ZZZ3: variants seen among roughly 807,000 people sequenced by gnomAD.
ZZZ3 encodes the protein zinc finger ZZ-type containing 3.
ZZZ3 carries 22 observed loss-of-function variants against 95.2 expected under a neutral mutation model. The observed-to-expected ratio is 0.23, with a 90% confidence interval of 0.17 to 0.33. The LOEUF (loss-of-function observed/expected upper bound fraction) is 0.33, where lower values mean the gene tolerates loss of function less well. Among genes scored for constraint, ZZZ3 ranks in the 10% least tolerant of loss-of-function variants. The probability of loss-of-function intolerance (pLI) is 1.00; values close to 1 mark genes in which losing one functional copy is unlikely to be tolerated. For synonymous variants in ZZZ3, 335 were observed against 358.9 expected (o/e 0.93, Z 0.75); for missense variants, 885 against 1,066.5 (o/e 0.83, Z 2.37).
chr1:77,663,282 TAA>T (rs1409230974), intron 1 of ZZZ3, among the ~76,000 whole-genome samples: 2 of 152,194 alleles, frequency 1.3e-5, no homozygotes, highest in Non-Finnish European at 2.9e-5. Context: ...GTATTAATGT[TAA>T]GTTTCCTAAT....
At chr1:77,653,258 T>C (rs1489388983) in intron 1 of ZZZ3, among the ~76,000 whole-genome samples, 2 of 151,988 alleles carry the variant, frequency 1.3e-5, no homozygotes, top group Admixed American at 6.6e-5. Flanking sequence ...AGGAGATAAG[T>C]GATTGCAGAG....
chr1:77,655,866 G>T (rs528558759), intron 1 of ZZZ3, among the ~76,000 whole-genome samples: 1 of 152,266 alleles, frequency 6.6e-6, no homozygotes, highest in South Asian at 2.1e-4. Context: ...TCATTCTTAG[G>T]TCCAAACCAG....
At position 77,632,003 on chromosome 1, in the gene ZZZ3, C is replaced by T; in HGVS notation, c.1352G>A (p.Gly451Glu). Residue 451 changes from glycine to glutamate, a missense_variant, in exon 5 of 15, where the codon GGA becomes GAA. Physicochemically the swap from Gly to Glu is moderately conservative, Grantham distance 98. Transcript: ENST00000370801. Reference sequence around the variant, plus strand: ...TGCCTCTGAGGGTGGTTTACTTACTCCTTCACTTCCATTATTTTGAGAGTC... The same window carrying T: ...TGCCTCTGAGGGTGGTTTACTTACTTCTTCACTTCCATTATTTTGAGAGTC... ...CCDSQNNGSE[G>E]VSKPPSEARL... 6.2e-7 allele frequency: 1 copy of T among 1,614,042 alleles called. No homozygotes were observed. The highest frequency in any genetic ancestry group is 8.5e-7 in the Non-Finnish European group (1 of 1,179,976).
intron 1 of ZZZ3, among the ~76,000 whole-genome samples, chr1:77,672,847 C>T (rs536614541): frequency 8.1e-4 from 124 of 152,266 alleles, no homozygotes; most frequent in African/African-American, 2.8e-3. Flanking sequence ...GTTCATCTCT[C>T]CCCCATTCTT....
At chr1:77,616,884 T>TAAAATA (rs1003187898) in intron 5 of ZZZ3, among the ~76,000 whole-genome samples, 10 of 151,756 alleles carry the variant, frequency 6.6e-5, no homozygotes, top group African/African-American at 1.9e-4. Flanking sequence ...AATAAATAAA[T>TAAAATA]AAAATAAAAA....
At position 77,665,927 on chromosome 1, in the gene ZZZ3, G is replaced by A. The variant is rs536011868; in HGVS notation, c.-403+16658C>T. Reference sequence around the variant, plus strand: ...GTGGTGGCACACGCCTGTAATCTCCGCTACTCAAGAGGCTGAGGCAGGAGA... The same window carrying A: ...GTGGTGGCACACGCCTGTAATCTCCACTACTCAAGAGGCTGAGGCAGGAGA... On this transcript the variant is annotated intron_variant, in intron 1 of 14. Transcript: ENST00000370801. 1.1e-4 allele frequency among the ~76,000 whole-genome samples: 16 copies of A among 152,284 alleles called. No homozygotes were observed. In the East Asian group the frequency reaches 2.5e-3, roughly 24 times the overall value.
At chr1:77,650,170 A>C (rs1339125590) in intron 1 of ZZZ3, among the ~76,000 whole-genome samples, 1 of 152,180 alleles carries the variant, frequency 6.6e-6, no homozygotes, top group Admixed American at 6.5e-5. Context: ...CAAAATGAGA[A>C]CATGTTTAAA....
chr1:77,662,593 C>T (rs1477021770), intron 1 of ZZZ3, among the ~76,000 whole-genome samples: 1 of 152,168 alleles, frequency 6.6e-6, no homozygotes, highest in Non-Finnish European at 1.5e-5. Context: ...AACTGAGGGA[C>T]ACTAAATACC....
chr1:77,591,394 G>A (rs1190287891), intron 5 of ZZZ3, among the ~76,000 whole-genome samples: 1 of 152,004 alleles, frequency 6.6e-6, no homozygotes, highest in Non-Finnish European at 1.5e-5. Context: ...TGTTGCCCAG[G>A]CTGGAGTACA....
intron 5 of ZZZ3, among the ~76,000 whole-genome samples, chr1:77,603,009 A>AATTG (rs1015078240): frequency 4.6e-5 from 7 of 152,112 alleles, no homozygotes; most frequent in African/African-American, 1.7e-4. Flanking sequence ...CTTAAATAAA[A>AATTG]ATTGCCATAT....
intron 1 of ZZZ3, among the ~76,000 whole-genome samples, chr1:77,661,366 T>C (rs945124040): frequency 5.3e-5 from 8 of 152,024 alleles, no homozygotes; most frequent in African/African-American, 1.9e-4. Flanking sequence ...TGAGCCAAGA[T>C]CACGCCATTA....
intron 8 of ZZZ3, among the ~76,000 whole-genome samples, chr1:77,581,293 A>T (rs1662495066): frequency 6.6e-6 from 1 of 152,164 alleles, no homozygotes; most frequent in African/African-American, 2.4e-5. Context: ...AATACATAAT[A>T]GTACTGTAAC....
intron 1 of ZZZ3, among the ~76,000 whole-genome samples, chr1:77,665,027 A>C (rs577565250): frequency 2.3e-4 from 35 of 152,284 alleles, no homozygotes; most frequent in Admixed American, 9.8e-4. Context: ...TCAGTTCCTT[A>C]ATGTCTTTAA....
chr1:77,640,993 C>T (rs1668729778), intron 3 of ZZZ3: 1 of 152,170 alleles, frequency 6.6e-6, no homozygotes, highest in South Asian at 2.1e-4. Flanking sequence ...TACTACAGTA[C>T]ATTAAGAAAT....
At chr1:77,678,738 C>T (rs1471960351) in intron 1 of ZZZ3, among the ~76,000 whole-genome samples, 2 of 152,172 alleles carry the variant, frequency 1.3e-5, no homozygotes, top group Non-Finnish European at 2.9e-5. Flanking sequence ...AGATTTTTAT[C>T]TGTGGACTAA....
intron 5 of ZZZ3, among the ~76,000 whole-genome samples, chr1:77,591,065 C>T (rs1663639397): frequency 6.6e-6 from 1 of 152,158 alleles, no homozygotes; most frequent in Admixed American, 6.5e-5. Context: ...TACTTTGCTA[C>T]TCAAAAAGAG....
At chr1:77,666,358 C>A (rs2101035974) in intron 1 of ZZZ3, among the ~76,000 whole-genome samples, 1 of 152,146 alleles carries the variant, frequency 6.6e-6, no homozygotes, top group East Asian at 1.9e-4. Context: ...CACAGTGAAA[C>A]CCTGCCTCTA....
chr1:77,580,896 G>T (rs911303203), intron 9 of ZZZ3, 102 bp downstream of exon 9: 2 of 978,454 alleles, frequency 2.0e-6, no homozygotes, highest in African/African-American at 1.6e-5. Context: ...AAAGTGCTGG[G>T]ATTACAGGCG....
At chr1:77,620,305 T>C (rs77602370) in intron 5 of ZZZ3, among the ~76,000 whole-genome samples, 2,496 of 152,272 alleles carry the variant, frequency 0.016, 61 homozygotes, top group African/African-American at 0.058. Flanking sequence ...TGTTTAAAAA[T>C]CATGCAATGA....
Sources: gnomAD v4.1 joint callset for allele counts (sites outside exome capture counted in the v4.1 genomes callset) on GRCh38, gnomAD v4.1.1 for gene constraint, MANE v1.5 for transcripts, NCBI Gene and HGNC (gene_info 2026-07-23, HGNC 2026-07-21) for gene names.